The following AMDHD2 variants were observed in gnomAD, a reference collection of about 807,000 sequenced individuals.
AMDHD2 encodes amidohydrolase domain containing 2, also known as N-acetylglucosamine-6-phosphate deacetylase.
AMDHD2 carries 24 observed loss-of-function variants against 41.8 expected under a neutral mutation model. The ratio of observed to expected loss-of-function variants is 0.57; its 90% CI spans 0.42 to 0.81. AMDHD2 has a LOEUF of 0.81. Ranked by LOEUF, AMDHD2 falls within the 30% of genes least tolerant of loss-of-function variation. The pLI, the probability that AMDHD2 is intolerant of heterozygous loss-of-function variation, is 0.00. For missense variants in AMDHD2, 540 were observed against 588.5 expected, an observed-to-expected ratio of 0.92 and a Z score of 0.85; for synonymous variants, 332 against 255.5, an observed-to-expected ratio of 1.30 and a Z score of -2.85.
At chr16:2,521,218 G>C in intron 3 of AMDHD2, 95 bp downstream of exon 3, 2 of 1,388,584 alleles carry the variant, frequency 1.4e-6, no homozygotes, top group South Asian at 1.5e-5. Context: ...CCCCCAGCAC[G>C]TATTCCATGG....
intron 3 of AMDHD2, among the ~76,000 whole-genome samples, chr16:2,526,446 G>A (rs918263055): frequency 6.6e-6 from 1 of 152,130 alleles, no homozygotes. Context: ...CACACTCAGG[G>A]CAGGCACTCT....
At chr16:2,521,652 G>C (rs1225054292) in intron 3 of AMDHD2, among the ~76,000 whole-genome samples, 2 of 151,552 alleles carry the variant, frequency 1.3e-5, no homozygotes, top group Admixed American at 6.6e-5. Flanking sequence ...TTTTACTTAG[G>C]TTCTACAGGG....
In AMDHD2 at chr16:2,527,821, A is replaced by G. The variant is rs1203473081; in HGVS notation, c.464A>G (p.His155Arg). ...ATCAGCCGGGAGAAGCGGGGCGCGC[A>G]CCCCGAGGCCCACCTCCGCTCCTTC... ...PFISREKRGAHPEAHLRSFEA... is the reference protein window; with the variant it reads ...PFISREKRGARPEAHLRSFEA... The change falls in exon 5 of 11, where the codon CAC (histidine) becomes CGC (arginine). Residue 155 changes from histidine to arginine, a missense_variant. By Grantham distance (29) the His-to-Arg change is conservative. Coordinates refer to ENST00000293971, the MANE Select transcript of AMDHD2 (RefSeq NM_001330449.2). The surrounding 1 kb of genome is among the most constrained non-coding windows in gnomAD (Gnocchi z 6.1). The G allele has an allele frequency of 1.9e-6, 3 of 1,591,130 alleles. No homozygotes were observed. Among genetic ancestry groups the G allele is most frequent in the Non-Finnish European group, 2.6e-6 (3 of 1,174,632 alleles).
chr16:2,529,973 A>ACC lies in AMDHD2; in HGVS notation c.*411_*412dup. ...GTGGCTGGTGCCATGGGGTGAAGCC[A>ACC]CCATGGGCTGGGGGTGAAGAGCCGG... On this transcript the variant is annotated 3_prime_UTR_variant, in exon 11 of 11. Coordinates refer to ENST00000293971, the MANE Select transcript of AMDHD2 (RefSeq NM_001330449.2). 1.3e-6 allele frequency: 1 copy of ACC among 754,858 alleles called. No individual in the cohort carries two copies. The highest frequency in any genetic ancestry group is 2.0e-6 in the Non-Finnish European group (1 of 489,566). 46.8% of individuals were successfully genotyped at this position (754,858 alleles called of 1,614,324 possible).
chr16:2,527,280 C>G lies in AMDHD2; in HGVS notation c.361-281C>G. The stretch of plus-strand genomic sequence containing the variant: ...AGCCTCCTGCCTCCCAGCCCTGCTC[C>G]CTGGGCTGCTGTGCCCAGGGCCACC... On this transcript the variant is annotated intron_variant, in intron 3 of 10. Coordinates refer to ENST00000293971, the MANE Select transcript of AMDHD2 (RefSeq NM_001330449.2). This position sits in a 1 kb window ranked among gnomAD's most constrained non-coding sequence, Gnocchi z 6.1. 1 of 535,026 alleles carries G rather than the reference C, an allele frequency of 1.9e-6. No homozygotes were observed. The highest frequency in any genetic ancestry group is 3.3e-6 in the Non-Finnish European group (1 of 303,300). The allele number at this position is 535,026 out of a possible 1,614,324, so 33.1% of individuals were successfully genotyped here. A position where few individuals can be genotyped will look rare whatever the true frequency, so the allele number is the denominator to read the frequency against.
intron 3 of AMDHD2, among the ~76,000 whole-genome samples, chr16:2,526,769 A>G (rs1056460656): frequency 6.6e-6 from 1 of 152,078 alleles, no homozygotes; most frequent in Non-Finnish European, 1.5e-5. Flanking sequence ...CGCCTCTACT[A>G]AAAATACAAA....
chr16:2,524,585 TG>T (rs2065980731), intron 3 of AMDHD2, among the ~76,000 whole-genome samples: 1 of 152,264 alleles, frequency 6.6e-6, no homozygotes, highest in Non-Finnish European at 1.5e-5. Flanking sequence ...TTTTTTTGTT[TG>T]TTTTTTTCCT....
rs2066018414 is a variant in AMDHD2 at position 2,527,500 on chromosome 16, A to G, written c.361-61A>G. On this transcript the variant is annotated intron_variant, in intron 3 of 10. Coordinates refer to ENST00000293971, the MANE Select transcript of AMDHD2 (RefSeq NM_001330449.2). The surrounding 1 kb of genome is among the most constrained non-coding windows in gnomAD (Gnocchi z 6.1). ...TGACCTGAGATCTCTGGCCTTGGCT[A>G]GGCTGTGGCCTCTGGGAATGGGCTG... 1.9e-6 allele frequency: 3 copies of G among 1,564,338 alleles called. No homozygotes were observed. The highest frequency in any genetic ancestry group is 2.6e-6 in the Non-Finnish European group (3 of 1,147,520).
intron 3 of AMDHD2, among the ~76,000 whole-genome samples, chr16:2,523,214 A>G (rs2065964185): frequency 6.6e-6 from 1 of 152,208 alleles, no homozygotes; most frequent in African/African-American, 2.4e-5. Context: ...TTAGAAAATG[A>G]ACCCTGTTAA....
intron 3 of AMDHD2, among the ~76,000 whole-genome samples, chr16:2,522,818 A>C: frequency 6.7e-6 from 1 of 149,750 alleles, no homozygotes. Context: ...CTGGCCCATC[A>C]TGCCTGTTTA....
Position 2,530,144 on chromosome 16 carries a change from C to T in AMDHD2, c.*581C>T. ...TCCGCTCTGACCTCCAGGAGGGAGA[C>T]TGGGCCCGGGACCCCTGTTTTCTGC... On this transcript the variant is annotated 3_prime_UTR_variant, in exon 11 of 11. Transcript: ENST00000293971. 2 of 1,405,330 alleles carry T rather than the reference C, an allele frequency of 1.4e-6. No individual in the cohort carries two copies. The allele number at this position is 1,405,330 out of a possible 1,614,324, so 87.1% of individuals were successfully genotyped here.
chr16:2,529,595 C>A lies in AMDHD2; in HGVS notation c.*32C>A. The A allele has an allele frequency of 6.2e-7, 1 of 1,603,382 alleles. No individual in the cohort carries two copies. Among genetic ancestry groups the A allele is most frequent in the Non-Finnish European group, 8.5e-7 (1 of 1,179,724 alleles). On this transcript the variant is annotated 3_prime_UTR_variant, in exon 11 of 11. Transcript: ENST00000293971. Reference sequence around the variant, plus strand: ...CCTCGGCTGAGAGGACACCTGGCCGCAGCGGGATGCCATCAGGGCCGGGTG... The same window carrying A: ...CCTCGGCTGAGAGGACACCTGGCCGAAGCGGGATGCCATCAGGGCCGGGTG...
At position 2,531,232 on chromosome 16, in the gene AMDHD2, C is replaced by T; in HGVS notation, c.*1669C>T. 1 of 955,106 alleles carries T rather than the reference C, an allele frequency of 1.0e-6. No homozygotes were observed. Among genetic ancestry groups the T allele is most frequent in the Non-Finnish European group, 1.5e-6 (1 of 647,980 alleles). The allele number at this position is 955,106 out of a possible 1,614,324, so 59.2% of individuals were successfully genotyped here. ...GGCTGGAGGGTCGGGGAGGGGCTGG[C>T]AGAGATGGTTGGTCCACAGGGCTAG... On this transcript the variant is annotated 3_prime_UTR_variant, in exon 11 of 11. Coordinates refer to ENST00000293971, the MANE Select transcript of AMDHD2 (RefSeq NM_001330449.2).
At position 2,520,489 on chromosome 16, in the gene AMDHD2, C is replaced by T. The variant is rs761700526; in HGVS notation, c.31C>T (p.Arg11Cys). 9 of 1,229,442 alleles carry T rather than the reference C, an allele frequency of 7.3e-6. No individual in the cohort carries two copies. Among genetic ancestry groups the T allele is most frequent in the East Asian group, 3.2e-5 (1 of 30,990 alleles). 76.2% of individuals were successfully genotyped at this position (1,229,442 alleles called of 1,614,324 possible). Reference protein sequence around the residue: MRGEQGAAGARVLQFTNCRIL... With the variant: MRGEQGAAGACVLQFTNCRIL... The stretch of plus-strand genomic sequence containing the variant: ...CGGCGAGCAGGGCGCGGCGGGGGCC[C>T]GCGTGCTCCAGTTCACTAACTGCCG... The change falls in exon 1 of 11, where the codon CGC becomes TGC. Residue 11 changes from arginine to cysteine, a missense_variant. Physicochemically the swap from Arg to Cys is radical, Grantham distance 180. Coordinates refer to ENST00000293971, the MANE Select transcript of AMDHD2 (RefSeq NM_001330449.2).
In AMDHD2 at chr16:2,520,867, G is replaced by C. The variant is rs765675975; in HGVS notation, c.182G>C (p.Arg61Pro). ...VADERRDCGG[R>P]ILAPGFIDVQ... ...GACGAGCGGCGGGACTGCGGGGGCC[G>C]CATCTTGGCTCCCGGATTCATCGAC... The change falls in exon 2 of 11, where the codon CGC becomes CCC. Residue 61 changes from arginine (R) to proline (P), a missense_variant. Physicochemically the swap from Arg to Pro is moderately radical, Grantham distance 103. Transcript: ENST00000293971. 1 of 1,610,452 alleles carries C rather than the reference G, an allele frequency of 6.2e-7. No homozygotes were observed. Among genetic ancestry groups the C allele is most frequent in the Non-Finnish European group, 8.5e-7 (1 of 1,178,596 alleles).
chr16:2,525,255 T>C (rs1161884370), intron 3 of AMDHD2, among the ~76,000 whole-genome samples: 1 of 151,896 alleles, frequency 6.6e-6, no homozygotes, highest in Non-Finnish European at 1.5e-5. Flanking sequence ...ATGGGCTTGC[T>C]CCATGTTGGC....
In AMDHD2 at chr16:2,529,261, G is replaced by T; in HGVS notation, c.1141+166G>T. 4 of 1,052,106 alleles carry T rather than the reference G, an allele frequency of 3.8e-6. No homozygotes were observed. In the South Asian group the frequency reaches 6.6e-5, roughly 17 times the overall value. The allele number at this position is 1,052,106 out of a possible 1,614,324, so 65.2% of individuals were successfully genotyped here. Reference sequence around the variant, plus strand: ...AGTTGTAGCCCCGTGTTGCCATCAGGCCGGGCTTTCTGGTGTTGCAGACAA... The same window carrying T: ...AGTTGTAGCCCCGTGTTGCCATCAGTCCGGGCTTTCTGGTGTTGCAGACAA... On this transcript the variant is annotated intron_variant, in intron 10 of 10. Transcript: ENST00000293971.
At chr16:2,521,876 CA>C (rs1264227847) in intron 3 of AMDHD2, among the ~76,000 whole-genome samples, 7 of 151,594 alleles carry the variant, frequency 4.6e-5, no homozygotes, top group South Asian at 2.1e-4. Context: ...CTCCGCCCCC[CA>C]GGGTTCACGC....
chr16:2,520,851 C>T lies in AMDHD2; in HGVS notation c.166C>T (p.Arg56Trp). Residue 56 changes from arginine (R) to tryptophan (W), a missense_variant, in exon 2 of 11, where the codon CGG becomes TGG. By Grantham distance (101) the Arg-to-Trp change is moderately radical (BLOSUM62 -3). Transcript: ENST00000293971. ...FEERRVADER[R>W]DCGGRILAPG... ...GGAGCGGCGCGTGGCCGACGAGCGG[C>T]GGGACTGCGGGGGCCGCATCTTGGC... is the stretch of plus-strand genomic sequence containing the variant. 3 of 1,610,730 alleles carry T rather than the reference C, an allele frequency of 1.9e-6. No individual in the cohort carries two copies. Among genetic ancestry groups the T allele is most frequent in the Non-Finnish European group, 2.5e-6 (3 of 1,178,870 alleles).
Sources: allele counts gnomAD v4.1 joint callset (sites outside exome capture counted in the v4.1 genomes callset), GRCh38; gene constraint gnomAD v4.1.1; non-coding constraint Gnocchi (gnomAD v3.1); transcripts MANE v1.5; gene names NCBI Gene and HGNC (gene_info 2026-07-23, HGNC 2026-07-21).